The following HECW2 variants were observed in gnomAD, a reference collection of about 807,000 sequenced individuals.
HECW2 encodes the protein HECT, C2 and WW domain containing E3 ubiquitin protein ligase 2.
A neutral mutation model predicts 175.2 loss-of-function variants in HECW2; 61 were observed. The ratio of observed to expected loss-of-function variants is 0.35; its 90% CI spans 0.28 to 0.43. The LOEUF is 0.43. Among genes scored for constraint, HECW2 ranks in the 20% least tolerant of loss-of-function variants. The probability of loss-of-function intolerance (pLI) is 1.00; values close to 1 mark genes in which losing one functional copy is unlikely to be tolerated. For synonymous variants in HECW2, 671 were observed against 731.0 expected (o/e 0.92, Z 1.32); for missense variants, 1,524 against 2,000.5 (o/e 0.76, Z 4.54).
At chr2:196,441,359 C>A (rs1388731107) in intron 1 of HECW2, among the ~76,000 whole-genome samples, 1 of 89,280 alleles carries the variant, frequency 1.1e-5, no homozygotes, top group Non-Finnish European at 2.2e-5. Context: ...CCAAAAGACA[C>A]AACATACAAC....
chr2:196,497,257 A>C (rs1348460664), intron 1 of HECW2, among the ~76,000 whole-genome samples: 1 of 152,176 alleles, frequency 6.6e-6, no homozygotes, highest in Non-Finnish European at 1.5e-5. Flanking sequence ...GCTGGACTTT[A>C]GTTTGTACGA....
chr2:196,528,835 T>G lies in HECW2; in HGVS notation c.-36+64673A>C, dbSNP rs111490723. On this transcript the variant is annotated intron_variant, in intron 1 of 28. Transcript: ENST00000644978. ...CTGTTTAAATGTTTCATTCAAAGAC[T>G]TGGGTAACCATGAATGAGAACAGTC... Among the ~76,000 whole-genome samples the G allele has an allele frequency of 7.0e-4, 106 of 152,366 alleles. 3 individuals are homozygous for G. Among genetic ancestry groups the G allele is most frequent in the African/African-American group, 2.1e-3 (88 of 41,598 alleles).
intron 1 of HECW2, among the ~76,000 whole-genome samples, chr2:196,511,709 G>T (rs1297181238): frequency 6.6e-6 from 1 of 152,214 alleles, no homozygotes; most frequent in Non-Finnish European, 1.5e-5. Flanking sequence ...GCATTGCAAG[G>T]TTAGTATTGC....
intron 13 of HECW2, among the ~76,000 whole-genome samples, chr2:196,295,493 C>T (rs1464586262): frequency 6.6e-6 from 1 of 152,178 alleles, no homozygotes; most frequent in Non-Finnish European, 1.5e-5. Context: ...TCAGGTCTTA[C>T]TACCTAAGAG....
At chr2:196,421,383 A>T (rs968732896) in intron 2 of HECW2, among the ~76,000 whole-genome samples, 5 of 152,192 alleles carry the variant, frequency 3.3e-5, no homozygotes, top group Non-Finnish European at 5.9e-5. Context: ...ATGGGAAAAG[A>T]TACACTAAGC....
At chr2:196,450,210 A>G (rs974092410) in intron 1 of HECW2, among the ~76,000 whole-genome samples, 1 of 152,220 alleles carries the variant, frequency 6.6e-6, no homozygotes, top group Non-Finnish European at 1.5e-5. Flanking sequence ...TACAATGGAT[A>G]TGTCCCACTG....
chr2:196,461,246 C>A (rs2125327410), intron 1 of HECW2, among the ~76,000 whole-genome samples: 1 of 152,240 alleles, frequency 6.6e-6, no homozygotes, highest in Middle Eastern at 3.4e-3. Context: ...AATTACATTA[C>A]AAACCAAAGT....
At chr2:196,227,283 T>C (rs1237980847) in intron 22 of HECW2, among the ~76,000 whole-genome samples, 1 of 149,116 alleles carries the variant, frequency 6.7e-6, no homozygotes, top group Non-Finnish European at 1.5e-5. Context: ...CTTTCCTTTG[T>C]TGCTGTCAGG....
At chr2:196,457,196 G>A (rs1696547310) in intron 1 of HECW2, among the ~76,000 whole-genome samples, 1 of 152,154 alleles carries the variant, frequency 6.6e-6, no homozygotes, top group Admixed American at 6.5e-5. Flanking sequence ...ATGTCATAAA[G>A]CTTTGATCAC....
intron 1 of HECW2, among the ~76,000 whole-genome samples, chr2:196,590,622 T>C (rs982719818): frequency 4.6e-5 from 7 of 152,208 alleles, no homozygotes; most frequent in African/African-American, 1.2e-4. Context: ...ACCAACCATA[T>C]AGACTTAACA....
chr2:196,578,146 A>G (rs1317581075), intron 1 of HECW2, among the ~76,000 whole-genome samples: 1 of 152,220 alleles, frequency 6.6e-6, no homozygotes, highest in African/African-American at 2.4e-5. Flanking sequence ...ATGCTTCACC[A>G]AAGAATATCA....
chr2:196,210,786 G>GT (rs1333766378), intron 28 of HECW2, among the ~76,000 whole-genome samples: 6 of 108,318 alleles, frequency 5.5e-5, no homozygotes, highest in Non-Finnish European at 1.1e-4. Flanking sequence ...GCTAATTTTT[G>GT]TATTTTTTTT....
intron 1 of HECW2, among the ~76,000 whole-genome samples, chr2:196,455,999 T>A (rs1356798398): frequency 6.6e-6 from 1 of 152,020 alleles, no homozygotes; most frequent in Non-Finnish European, 1.5e-5. Context: ...AAACAGCATA[T>A]ACATTTGGAA....
chr2:196,548,615 G>A (rs1689503237), intron 1 of HECW2, among the ~76,000 whole-genome samples: 1 of 152,184 alleles, frequency 6.6e-6, no homozygotes. Flanking sequence ...TAAAGCCACT[G>A]ATTAAAAGCT....
chr2:196,479,289 T>C (rs772933448), intron 1 of HECW2, among the ~76,000 whole-genome samples: 2 of 152,204 alleles, frequency 1.3e-5, no homozygotes, highest in Non-Finnish European at 2.9e-5. Context: ...CATTCTGTTA[T>C]AGACATAAAA....
At chr2:196,485,562 C>T (rs13428068) in intron 1 of HECW2, among the ~76,000 whole-genome samples, 5,105 of 152,124 alleles carry the variant, frequency 0.034, 283 homozygotes, top group African/African-American at 0.12. Flanking sequence ...CGGCTCTGCA[C>T]CCTCATGACT....
intron 3 of HECW2, among the ~76,000 whole-genome samples, chr2:196,341,662 C>T (rs1006655161): frequency 6.6e-6 from 1 of 152,188 alleles, no homozygotes; most frequent in Non-Finnish European, 1.5e-5. Flanking sequence ...TCTGACCTTC[C>T]TTTCTCTCTG....
chr2:196,466,360 C>T (rs1696954451), intron 1 of HECW2, among the ~76,000 whole-genome samples: 1 of 152,202 alleles, frequency 6.6e-6, no homozygotes, highest in South Asian at 2.1e-4. Context: ...ATATTTCCCT[C>T]TCCAAAATGT....
intron 1 of HECW2, among the ~76,000 whole-genome samples, chr2:196,555,429 C>T (rs1044970095): frequency 2.6e-5 from 4 of 152,270 alleles, no homozygotes; most frequent in African/African-American, 9.6e-5. Flanking sequence ...TGCCAAAGGC[C>T]ACCTCCTAAT....
Sources: gnomAD v4.1 joint callset for allele counts (sites outside exome capture counted in the v4.1 genomes callset) on GRCh38, gnomAD v4.1.1 for gene constraint, MANE v1.5 for transcripts, NCBI Gene and HGNC (gene_info 2026-07-23, HGNC 2026-07-21) for gene names.